The following PCDHAC2 variants were observed in gnomAD, a reference collection of about 807,000 sequenced individuals.
The protein encoded by PCDHAC2 is protocadherin alpha subfamily C, 2.
PCDHAC2 carries 24 observed loss-of-function variants against 63.3 expected under a neutral mutation model. The observed-to-expected ratio is 0.38, with a 90% CI of 0.27 to 0.53. PCDHAC2 has a LOEUF of 0.53. PCDHAC2 is among the 20% of genes least tolerant of loss of function. PCDHAC2 has a pLI of 0.81. For synonymous variants in PCDHAC2, 569 were observed against 529.4 expected (o/e 1.07, Z -1.03); for missense variants, 1,181 against 1,275.2 (o/e 0.93, Z 1.12).
Position 140,967,665 on chromosome 5 carries a change from C to T in PCDHAC2, c.899C>T (p.Thr300Met), listed in dbSNP as rs782126222. The T allele has an allele frequency of 1.4e-5, 23 of 1,614,036 alleles. No individual in the cohort carries two copies. Among genetic ancestry groups the T allele is most frequent in the East Asian group, 2.2e-5 (1 of 44,886 alleles). Residue 300 changes from threonine (T) to methionine (M), a missense_variant, in exon 1 of 4, where the codon ACG (threonine) becomes ATG (methionine). Coordinates refer to ENST00000289269, the MANE Select transcript of PCDHAC2 (RefSeq NM_018899.6). ...GELRYSLSSYTSDRERQLFSI... is the reference protein window; with the variant it reads ...GELRYSLSSYMSDRERQLFSI... ...CTCAGGTACTCCTTGAGCAGCTACA[C>T]GTCGGACCGGGAGAGGCAGCTCTTC...
chr5:140,999,011 A>G (rs2097843002), intron 3 of PCDHAC2, among the ~76,000 whole-genome samples: 1 of 152,246 alleles, frequency 6.6e-6, no homozygotes, highest in Non-Finnish European at 1.5e-5. Flanking sequence ...CTGAGATTTG[A>G]ACCCAAGACT....
At chr5:140,969,702 C>A (rs1305755991) in intron 1 of PCDHAC2, among the ~76,000 whole-genome samples, 1 of 152,144 alleles carries the variant, frequency 6.6e-6, no homozygotes, top group African/African-American at 2.4e-5. Context: ...TCTGCTGTAT[C>A]ATCTACAGGG....
chr5:141,004,336 G>A (rs1554259546), intron 3 of PCDHAC2, among the ~76,000 whole-genome samples: 1 of 152,224 alleles, frequency 6.6e-6, no homozygotes, highest in East Asian at 1.9e-4. Flanking sequence ...AGGCACAGTG[G>A]TCTGTGAGGG....
At chr5:140,996,987 A>G (rs1554255592) in intron 3 of PCDHAC2, among the ~76,000 whole-genome samples, 1 of 152,134 alleles carries the variant, frequency 6.6e-6, no homozygotes, top group African/African-American at 2.4e-5. Context: ...TGAAGCAACC[A>G]CTGTTAACAA....
At chr5:140,979,571 G>A (rs2096856939) in intron 2 of PCDHAC2, among the ~76,000 whole-genome samples, 1 of 152,154 alleles carries the variant, frequency 6.6e-6, no homozygotes. Flanking sequence ...GCCATGTAAA[G>A]GGCTCCAAAT....
chr5:140,977,484 G>A (rs2096763384), intron 1 of PCDHAC2, among the ~76,000 whole-genome samples: 1 of 152,220 alleles, frequency 6.6e-6, no homozygotes. Flanking sequence ...TTTATGCTAT[G>A]TTATATGGAA....
chr5:140,985,498 C>G (rs540282855), intron 3 of PCDHAC2, among the ~76,000 whole-genome samples: 2 of 152,274 alleles, frequency 1.3e-5, no homozygotes, highest in African/African-American at 4.8e-5. Flanking sequence ...ATAGAGCCTG[C>G]CTTTCATTGA....
intron 1 of PCDHAC2, among the ~76,000 whole-genome samples, chr5:140,976,461 G>A (rs935204153): frequency 1.3e-5 from 2 of 152,120 alleles, no homozygotes; most frequent in African/African-American, 4.8e-5. Flanking sequence ...TGGGGAAGAA[G>A]AATTGCTTGA....
At chr5:140,997,833 A>G (rs2097787444) in intron 3 of PCDHAC2, among the ~76,000 whole-genome samples, 1 of 152,230 alleles carries the variant, frequency 6.6e-6, no homozygotes. Flanking sequence ...TCTAAACAAT[A>G]CAATATACAT....
Position 141,011,060 on chromosome 5 carries a change from A to G in PCDHAC2, c.*1123A>G, listed in dbSNP as rs1588257572. On this transcript the variant is annotated 3_prime_UTR_variant, in exon 4 of 4. Coordinates refer to ENST00000289269, the MANE Select transcript of PCDHAC2 (RefSeq NM_018899.6). ...AGGTCACTCTGGGGCTGCCTCTTGC[A>G]TGTATTACTAAATAAAATGATCTCT... is the stretch of plus-strand genomic sequence containing the variant. 1.3e-5 allele frequency: 2 copies of G among 153,758 alleles called. No individual in the cohort carries two copies. Among genetic ancestry groups the G allele is most frequent in the Non-Finnish European group, 2.9e-5 (2 of 68,046 alleles). The allele number at this position is 153,758 out of a possible 1,614,324, so 9.5% of individuals were successfully genotyped here. A position where few individuals can be genotyped will look rare whatever the true frequency, so the allele number is the denominator to read the frequency against.
chr5:140,999,922 C>T (rs2097883458), intron 3 of PCDHAC2, among the ~76,000 whole-genome samples: 1 of 152,154 alleles, frequency 6.6e-6, no homozygotes, highest in Non-Finnish European at 1.5e-5. Context: ...AATCTTCTTC[C>T]AGCTCAACTC....
At position 141,012,295 on chromosome 5, in the gene PCDHAC2, T is replaced by C. The variant is rs2098423507; in HGVS notation, c.*2358T>C. ...GTCATGTGGATTCATTTTGAATTGG[T>C]GCTATTGGTATTTCCTCTGTTATTG... On this transcript the variant is annotated 3_prime_UTR_variant, in exon 4 of 4. Coordinates refer to ENST00000289269, the MANE Select transcript of PCDHAC2 (RefSeq NM_018899.6). 6.5e-6 allele frequency: 1 copy of C among 153,776 alleles called. No homozygotes were observed. The highest frequency in any genetic ancestry group is 2.4e-5 in the African/African-American group (1 of 41,466). 9.5% of individuals were successfully genotyped at this position (153,776 alleles called of 1,614,324 possible).
Position 141,011,434 on chromosome 5 carries a change from C to A in PCDHAC2, c.*1497C>A, listed in dbSNP as rs934032017. 6.5e-6 allele frequency: 1 copy of A among 153,726 alleles called. No homozygotes were observed. Among genetic ancestry groups the A allele is most frequent in the African/African-American group, 2.4e-5 (1 of 41,446 alleles). The allele number at this position is 153,726 out of a possible 1,614,324, so 9.5% of individuals were successfully genotyped here. The stretch of plus-strand genomic sequence containing the variant: ...ATGTGAATGTTAATGCAACTATTAC[C>A]TAGAGTGAACTTTAAGCTTTATTGT... On this transcript the variant is annotated 3_prime_UTR_variant, in exon 4 of 4. Transcript: ENST00000289269.
intron 3 of PCDHAC2, among the ~76,000 whole-genome samples, chr5:141,007,395 C>CAAA (rs35800918): frequency 7.4e-5 from 7 of 94,852 alleles, no homozygotes; most frequent in Non-Finnish European, 1.2e-4. Flanking sequence ...TACTAAAATA[C>CAAA]AAAAAAAAAA....
chr5:141,005,697 G>A (rs1197870932), intron 3 of PCDHAC2, among the ~76,000 whole-genome samples: 75 of 78,728 alleles, frequency 9.5e-4, no homozygotes, highest in Admixed American at 6.2e-4. Context: ...GCGAAACTCC[G>A]TCTCAAAAAA....
chr5:140,970,425 C>T (rs1554232453), intron 1 of PCDHAC2, among the ~76,000 whole-genome samples: 1 of 151,722 alleles, frequency 6.6e-6, no homozygotes, highest in Non-Finnish European at 1.5e-5. Flanking sequence ...GGTGTAGAGG[C>T]AGGTGTTAGT....
chr5:141,000,399 A>C (rs77386673), intron 3 of PCDHAC2, among the ~76,000 whole-genome samples: 2,158 of 66,344 alleles, frequency 0.033, 38 homozygotes, highest in Non-Finnish European at 0.044. Context: ...CTCTCTCTAT[A>C]TATATATATA....
intron 1 of PCDHAC2, among the ~76,000 whole-genome samples, chr5:140,970,416 G>A (rs536181177): frequency 2.4e-4 from 36 of 152,326 alleles, no homozygotes; most frequent in African/African-American, 8.2e-4. Context: ...CTACAGTAAG[G>A]TGTAGAGGCA....
rs955565578 is a variant in PCDHAC2, at chr5:141,012,291, T to C, written c.*2354T>C. 6 of 153,804 alleles carry C rather than the reference T, an allele frequency of 3.9e-5. No homozygotes were observed. The highest frequency in any genetic ancestry group is 9.6e-5 in the African/African-American group (4 of 41,478). The allele number at this position is 153,804 out of a possible 1,614,324, so 9.5% of individuals were successfully genotyped here. A position where few individuals can be genotyped will look rare whatever the true frequency, so the allele number is the denominator to read the frequency against. On this transcript the variant is annotated 3_prime_UTR_variant, in exon 4 of 4. Coordinates refer to ENST00000289269, the MANE Select transcript of PCDHAC2 (RefSeq NM_018899.6). ...ACACGTCATGTGGATTCATTTTGAA[T>C]TGGTGCTATTGGTATTTCCTCTGTT...
Sources: gnomAD v4.1 joint callset for allele counts (sites outside exome capture counted in the v4.1 genomes callset) on GRCh38, gnomAD v4.1.1 for gene constraint, MANE v1.5 for transcripts, NCBI Gene and HGNC (gene_info 2026-07-23, HGNC 2026-07-21) for gene names.